PDE4A: variants seen among roughly 807,000 people sequenced by gnomAD.
PDE4A encodes 3',5'-cyclic-AMP phosphodiesterase 4A.
Under a neutral mutation model 73.9 loss-of-function variants are expected in PDE4A, and 21 were observed. The ratio of observed to expected loss-of-function variants is 0.28; its 90% confidence interval spans 0.20 to 0.41. PDE4A has a LOEUF of 0.41. Among genes scored for constraint, PDE4A ranks in the 10% least tolerant of loss-of-function variants. The pLI is 1.00. For missense variants in PDE4A, 958 were observed against 1,211.4 expected (o/e 0.79, Z 3.10); for synonymous variants, 463 against 505.4 (o/e 0.92, Z 1.13).
At chr19:10,428,090 G>A (rs996766797) in intron 1 of PDE4A, among the ~76,000 whole-genome samples, 3 of 151,836 alleles carry the variant, frequency 2.0e-5, no homozygotes, top group African/African-American at 7.3e-5. Context: ...GGTGGCTCAC[G>A]CCTGTAATCC....
chr19:10,457,960 A>G lies in PDE4A; in HGVS notation c.959A>G (p.Gln320Arg). 1 of 1,594,340 alleles carries G rather than the reference A, an allele frequency of 6.3e-7. No homozygotes were observed. The highest frequency in any genetic ancestry group is 8.6e-7 in the Non-Finnish European group (1 of 1,162,692). ...CAAGCGCCGCGACCAAGACCCTCCC[A>G]GCCGCCCCCGCCCCCTGTACCACAC... is the stretch of plus-strand genomic sequence containing the variant. ...KQQAPRPRPS[Q>R]PPPPPVPHLQ... Residue 320 changes from glutamine (Q) to arginine (R), a missense_variant, in exon 8 of 15, where the codon CAG (glutamine) becomes CGG (arginine). Around this residue, in one of 3 missense-constraint regions of PDE4A, gnomAD observed 570 missense variants for 827.7 expected, o/e 0.69. Transcript: ENST00000380702.
chr19:10,453,441 C>T lies in PDE4A; in HGVS notation c.784-1388C>T. 7.6e-7 allele frequency: 1 copy of T among 1,313,838 alleles called. No individual in the cohort carries two copies. Among genetic ancestry groups the T allele is most frequent in the Non-Finnish European group, 1.0e-6 (1 of 978,366 alleles). The allele number at this position is 1,313,838 out of a possible 1,614,324, so 81.4% of individuals were successfully genotyped here. ...GTGGCCTGGAGATGAAGCCTTGTGA[C>T]TGTCTCTGTGTGTGGCCCAGGGCTG... On this transcript the variant is annotated intron_variant, in intron 6 of 14. Transcript: ENST00000380702. This position sits in a 1 kb window ranked among gnomAD's most constrained non-coding sequence, Gnocchi z 4.6.
intron 1 of PDE4A, among the ~76,000 whole-genome samples, chr19:10,442,829 G>A (rs182179132): frequency 2.0e-5 from 3 of 147,172 alleles, no homozygotes; most frequent in Non-Finnish European, 4.5e-5. Flanking sequence ...TATAATATCA[G>A]TAATATTATA....
rs200887776 is a variant in PDE4A, at chr19:10,463,961, G to A, written c.1912G>A (p.Val638Met). 6.8e-6 allele frequency: 11 copies of A among 1,614,000 alleles called. 1 individual carries two copies. The highest frequency in any genetic ancestry group is 1.6e-4 in the Middle Eastern group (1 of 6,084). ...CATGTGTGACAAGCACACTGCCTCC[G>A]TGGAGAAGTCTCAGGTACAGGCTCG... ...SPMCDKHTASVEKSQVGFIDY... is the reference protein window; with the variant it reads ...SPMCDKHTASMEKSQVGFIDY... The change falls in exon 14 of 15, where the codon GTG (valine) becomes ATG (methionine). Residue 638 changes from valine to methionine, a missense_variant. Transcript: ENST00000380702.
At chr19:10,447,825 C>A (rs1164488711) in intron 2 of PDE4A, among the ~76,000 whole-genome samples, 2 of 152,066 alleles carry the variant, frequency 1.3e-5, no homozygotes, top group African/African-American at 4.8e-5. Context: ...GGTGTGAGTT[C>A]CCCCTGAACC....
intron 1 of PDE4A, among the ~76,000 whole-genome samples, chr19:10,425,984 C>CAAAAAAAA (rs1168197109): frequency 2.5e-4 from 12 of 48,386 alleles, no homozygotes; most frequent in African/African-American, 9.3e-4. Context: ...GAGACCCTGT[C>CAAAAAAAA]AAAAAAAAAA....
At chr19:10,427,796 A>G (rs1454409041) in intron 1 of PDE4A, 1 of 985,018 alleles carries the variant, frequency 1.0e-6, no homozygotes. Flanking sequence ...TGGCAAAACA[A>G]TTCAGGGAAG....
At chr19:10,452,163 T>C (rs1419654944) in intron 6 of PDE4A, among the ~76,000 whole-genome samples, 1 of 151,490 alleles carries the variant, frequency 6.6e-6, no homozygotes, top group Non-Finnish European at 1.5e-5. Context: ...TGTCTGTGGG[T>C]GTGTTTAGTG....
At chr19:10,442,390 G>C (rs1488783201) in intron 1 of PDE4A, among the ~76,000 whole-genome samples, 1 of 152,086 alleles carries the variant, frequency 6.6e-6, no homozygotes, top group Non-Finnish European at 1.5e-5. Flanking sequence ...CAGATGTGCT[G>C]GTGCATGCCT....
intron 14 of PDE4A, among the ~76,000 whole-genome samples, chr19:10,464,212 C>A (rs2043326163): frequency 6.6e-6 from 1 of 152,152 alleles, no homozygotes; most frequent in African/African-American, 2.4e-5. Flanking sequence ...ATTCTCCTGC[C>A]TCAGCCTCCC....
intron 1 of PDE4A, chr19:10,428,692 C>A: frequency 1.3e-6 from 1 of 770,254 alleles, no homozygotes; most frequent in Non-Finnish European, 1.6e-6. Context: ...GAAACTGAGG[C>A]TCAATGAAAT....
intron 1 of PDE4A, among the ~76,000 whole-genome samples, chr19:10,438,984 G>A (rs1258910892): frequency 6.6e-6 from 1 of 152,124 alleles, no homozygotes; most frequent in Non-Finnish European, 1.5e-5. Context: ...AACACATTTT[G>A]TTGATCCATT....
intron 1 of PDE4A, among the ~76,000 whole-genome samples, chr19:10,433,855 G>A (rs2145480571): frequency 6.6e-6 from 1 of 152,352 alleles, no homozygotes; most frequent in African/African-American, 2.4e-5. Flanking sequence ...GGGGAGCCGG[G>A]GGAGACACCA....
intron 1 of PDE4A, among the ~76,000 whole-genome samples, chr19:10,439,065 T>C (rs138569408): frequency 7.4e-4 from 113 of 152,258 alleles, no homozygotes; most frequent in African/African-American, 2.7e-3. Context: ...TGAACATGGG[T>C]GTACATGTAT....
chr19:10,420,450 C>T, upstream of PDE4A: 1 of 300,566 alleles, frequency 3.3e-6, no homozygotes, highest in Non-Finnish European at 4.4e-6. The surrounding 1 kb of genome is among the most constrained non-coding windows in gnomAD (Gnocchi z 6.0). Flanking sequence ...ACAGCCGCGG[C>T]GGGCGGGGGG....
At chr19:10,432,346 C>T in intron 1 of PDE4A, 1 of 1,284,878 alleles carries the variant, frequency 7.8e-7, no homozygotes, top group South Asian at 2.6e-5. Flanking sequence ...GCAGTGGAGG[C>T]CGCAGACACC....
chr19:10,451,449 T>C (rs2043090220), intron 6 of PDE4A, among the ~76,000 whole-genome samples: 1 of 152,098 alleles, frequency 6.6e-6, no homozygotes, highest in South Asian at 2.1e-4. Context: ...TATCTGCGGC[T>C]ATAGGTCTGC....
chr19:10,459,596 A>T lies in PDE4A; in HGVS notation c.1202A>T (p.Glu401Val). Residue 401 changes from glutamate to valine, a missense_variant and splice_region_variant, in exon 10 of 15, where the codon GAG becomes GTG. Coordinates refer to ENST00000380702, the MANE Select transcript of PDE4A (RefSeq NM_001111307.2). ...CACCCTGCCCCTGCCTGCTCTCAGG[A>T]GCGGGACCTGCTGAAGAAATTCCGC... ...LTCIMYMIFQ[E>V]RDLLKKFRIP... The T allele has an allele frequency of 1.2e-6, 2 of 1,613,910 alleles. No homozygotes were observed. The highest frequency in any genetic ancestry group is 2.2e-5 in the South Asian group (2 of 91,054).
chr19:10,462,241 G>A (rs1432641171), intron 13 of PDE4A, among the ~76,000 whole-genome samples: 1 of 149,324 alleles, frequency 6.7e-6, no homozygotes, highest in East Asian at 2.1e-4. Flanking sequence ...CCCGCCTCCC[G>A]CCTCCCGGGT....
Sources: gnomAD v4.1 joint callset for allele counts (sites outside exome capture counted in the v4.1 genomes callset) on GRCh38, gnomAD v4.1.1 for gene constraint, gnomAD v4.1.1 regional missense constraint, Gnocchi (gnomAD v3.1) non-coding constraint, MANE v1.5 for transcripts, NCBI Gene and HGNC (gene_info 2026-07-23, HGNC 2026-07-21) for gene names.